Variants in RAB40C observed in about 807,000 individuals in gnomAD.
RAB40C encodes RAB40C, member RAS oncogene family, also known as ras-related protein Rab-40C.
Under a neutral mutation model 28.1 loss-of-function variants are expected in RAB40C, and 8 were observed. The ratio of observed to expected loss-of-function variants is 0.28; its 90% CI spans 0.17 to 0.51. RAB40C has a LOEUF of 0.51. RAB40C is among the 20% of genes least tolerant of loss of function. The pLI is 0.97. For synonymous variants in RAB40C, 201 were observed against 171.7 expected (o/e 1.17, Z -1.34); for missense variants, 288 against 405.9 (o/e 0.71, Z 2.50).
At position 627,843 on chromosome 16, in the gene RAB40C, G is replaced by T; in HGVS notation, c.*221G>T. On this transcript the variant is annotated 3_prime_UTR_variant, in exon 6 of 6. Coordinates refer to ENST00000248139, the MANE Select transcript of RAB40C (RefSeq NM_021168.5). The stretch of plus-strand genomic sequence containing the variant: ...GCGGCTGGGCTGCTGGTGCTTCCGG[G>T]AATCTTGGTCGGAAACAAGCCGGGC... 1 of 500,968 alleles carries T rather than the reference G, an allele frequency of 2.0e-6. No homozygotes were observed. Among genetic ancestry groups the T allele is most frequent in the East Asian group, 3.3e-5 (1 of 29,980 alleles). The allele number at this position is 500,968 out of a possible 1,614,324, so 31.0% of individuals were successfully genotyped here. A position where few individuals can be genotyped will look rare whatever the true frequency, so the allele number is the denominator to read the frequency against.
intron 1 of RAB40C, among the ~76,000 whole-genome samples, chr16:598,342 A>T (rs2036176459): frequency 6.7e-6 from 1 of 149,806 alleles, no homozygotes; most frequent in Non-Finnish European, 1.5e-5. Flanking sequence ...CACGCCACTG[A>T]CTCCAGCCTG....
chr16:623,009 C>A (rs1017643071), intron 3 of RAB40C, among the ~76,000 whole-genome samples: 1 of 152,126 alleles, frequency 6.6e-6, no homozygotes. Context: ...CTGTGACCCA[C>A]GCCGGAGCAA....
chr16:617,476 C>T (rs903259143), intron 2 of RAB40C, among the ~76,000 whole-genome samples: 2 of 152,248 alleles, frequency 1.3e-5, no homozygotes, highest in Non-Finnish European at 2.9e-5. Context: ...CGCGGCTCCC[C>T]TCCTGCCCCG....
At chr16:609,775 T>C (rs1230906998) in intron 1 of RAB40C, among the ~76,000 whole-genome samples, 2 of 151,342 alleles carry the variant, frequency 1.3e-5, no homozygotes, top group Non-Finnish European at 1.5e-5. Context: ...TCCCAGAAAA[T>C]AGAACAAAAA....
intron 1 of RAB40C, among the ~76,000 whole-genome samples, chr16:598,302 C>T (rs546807458): frequency 7.7e-4 from 116 of 151,340 alleles, no homozygotes; most frequent in African/African-American, 2.8e-3. Context: ...GGCGTGAATC[C>T]AGGAGGCAGA....
chr16:606,828 T>G (rs1409491265), intron 1 of RAB40C, among the ~76,000 whole-genome samples: 1 of 152,168 alleles, frequency 6.6e-6, no homozygotes, highest in Non-Finnish European at 1.5e-5. Context: ...GGTTAAGGAC[T>G]TATGTAGTTA....
chr16:591,785 C>T (rs141954174), intron 1 of RAB40C, among the ~76,000 whole-genome samples: 8 of 152,080 alleles, frequency 5.3e-5, no homozygotes, highest in African/African-American at 1.4e-4. Flanking sequence ...TTAGTAGAGA[C>T]GGGGTTTCAG....
Position 590,251 on chromosome 16 carries a change from GC to G in RAB40C, c.-40del. On this transcript the variant is annotated 5_prime_UTR_variant, in exon 1 of 6. Coordinates refer to ENST00000248139, the MANE Select transcript of RAB40C (RefSeq NM_021168.5). Reference sequence around the variant, plus strand: ...TCACGCCGCGGCCTCACCCGGCGGTGCTTCGGCAGGCGGCCGGCGCGGGGCG... The same window carrying G: ...TCACGCCGCGGCCTCACCCGGCGGTGTTCGGCAGGCGGCCGGCGCGGGGCG... 1 of 1,391,242 alleles carries G rather than the reference GC, an allele frequency of 7.2e-7. No homozygotes were observed. 86.2% of individuals were successfully genotyped at this position (1,391,242 alleles called of 1,614,324 possible).
intron 3 of RAB40C, among the ~76,000 whole-genome samples, chr16:618,995 C>T (rs187921437): frequency 9.4e-6 from 1 of 106,564 alleles, no homozygotes; most frequent in African/African-American, 4.3e-5. Flanking sequence ...CTGGCGGACG[C>T]ACTGGGGCCA....
intron 1 of RAB40C, among the ~76,000 whole-genome samples, chr16:602,433 A>ATTTTT (rs1555454853): frequency 6.6e-6 from 1 of 151,302 alleles, no homozygotes; most frequent in Non-Finnish European, 1.5e-5. Flanking sequence ...TTTTTAATAA[A>ATTTTT]TTATTTTTTT....
chr16:603,247 C>G (rs1190813673), intron 1 of RAB40C, among the ~76,000 whole-genome samples: 1 of 152,212 alleles, frequency 6.6e-6, no homozygotes, highest in African/African-American at 2.4e-5. Flanking sequence ...ACAAACTGCC[C>G]TAGAATTTCT....
At chr16:593,972 T>G (rs2036057257) in intron 1 of RAB40C, among the ~76,000 whole-genome samples, 1 of 152,080 alleles carries the variant, frequency 6.6e-6, no homozygotes. Flanking sequence ...AAAGCTGCAG[T>G]TCAGGAGCGA....
intron 3 of RAB40C, among the ~76,000 whole-genome samples, chr16:622,213 T>A (rs2036733320): frequency 6.6e-6 from 1 of 152,160 alleles, no homozygotes; most frequent in African/African-American, 2.4e-5. Context: ...ATTTATCGTG[T>A]AGGTCGAGTT....
In RAB40C at chr16:606,105, T is replaced by C. The variant is rs79698616; in HGVS notation, c.143-11103T>C. Among the ~76,000 whole-genome samples the C allele has an allele frequency of 1.1e-3, 163 of 151,570 alleles. 3 individuals are homozygous for C. The highest frequency in any genetic ancestry group is 3.4e-3 in the African/African-American group (139 of 41,266). On this transcript the variant is annotated intron_variant, in intron 1 of 5. Coordinates refer to ENST00000248139, the MANE Select transcript of RAB40C (RefSeq NM_021168.5). ...CTCCTTTTCTGTTATTGCTGACACA[T>C]AGTCCTCTCGGTCCTCAGTCCAGTG...
At chr16:623,891 C>T in intron 3 of RAB40C, 1 of 931,264 alleles carries the variant, frequency 1.1e-6, no homozygotes, top group Non-Finnish European at 1.3e-6. Context: ...ATGATCGTGC[C>T]ACTGCATGAA....
intron 3 of RAB40C, among the ~76,000 whole-genome samples, chr16:622,074 GT>G (rs1243060495): frequency 6.6e-6 from 1 of 152,196 alleles, no homozygotes; most frequent in Non-Finnish European, 1.5e-5. Flanking sequence ...AGGGGCATGT[GT>G]TTGTCAAAAT....
At chr16:623,911 G>A (rs776452781) in intron 3 of RAB40C, 57 of 975,714 alleles carry the variant, frequency 5.8e-5, no homozygotes, top group Non-Finnish European at 6.8e-5. Flanking sequence ...ACCCCAGCCT[G>A]GCTGACAGAG....
At chr16:609,470 G>A (rs955390826) in intron 1 of RAB40C, among the ~76,000 whole-genome samples, 2 of 152,130 alleles carry the variant, frequency 1.3e-5, no homozygotes, top group East Asian at 3.9e-4. Flanking sequence ...CAAAAGAAGC[G>A]GCCACGAGAC....
chr16:623,378 G>A lies in RAB40C; in HGVS notation c.265-2054G>A, dbSNP rs1038989950. Among the ~76,000 whole-genome samples the A allele has an allele frequency of 6.6e-5, 10 of 151,500 alleles. No homozygotes were observed. In the South Asian group the frequency reaches 8.4e-4, roughly 13 times the overall value. On this transcript the variant is annotated intron_variant, in intron 3 of 5. Coordinates refer to ENST00000248139, the MANE Select transcript of RAB40C (RefSeq NM_021168.5). ...TTAAAAATCATGCTGGGCCGGGCGC[G>A]GTGGCTCACGCCTGTCATCCCAGCA...
Sources: allele counts gnomAD v4.1 joint callset (sites outside exome capture counted in the v4.1 genomes callset), GRCh38; gene constraint gnomAD v4.1.1; transcripts MANE v1.5; gene names NCBI Gene and HGNC (gene_info 2026-07-23, HGNC 2026-07-21).